Variants in STARD5 observed in about 807,000 individuals in gnomAD.
The protein encoded by STARD5 is StAR related lipid transfer domain containing 5, also known as stAR-related lipid transfer protein 5.
Under a neutral mutation model 24.6 loss-of-function variants are expected in STARD5, and 26 were observed. That is an observed-to-expected ratio of 1.06 (90% CI 0.77 to 1.47). The LOEUF (loss-of-function observed/expected upper bound fraction) is 1.47. STARD5 is among the 40% of genes most tolerant of loss of function. The pLI, the probability that STARD5 is intolerant of heterozygous loss-of-function variation, is 0.00. For synonymous variants in STARD5, 101 were observed against 99.7 expected (o/e 1.01, Z -0.07); for missense variants, 254 against 270.8 (o/e 0.94, Z 0.44).
In STARD5 at chr15:81,318,871, A is replaced by G. The variant is rs1901136939; in HGVS notation, c.401-369T>C. ...ATGGGAGGAGGCAGGTGCCTCTCTC[A>G]AATCTCAGCCAGGAGAGGCATGGAT... On this transcript the variant is annotated intron_variant, in intron 4 of 5. Transcript: ENST00000302824. Among the ~76,000 whole-genome samples the G allele has an allele frequency of 2.0e-5, 3 of 152,242 alleles. No homozygotes were observed. In the South Asian group the frequency reaches 6.2e-4, roughly 32 times the overall value.
At chr15:81,320,412 G>A (rs546913879) in intron 3 of STARD5, among the ~76,000 whole-genome samples, 34 of 152,312 alleles carry the variant, frequency 2.2e-4, no homozygotes, top group African/African-American at 7.9e-4. Context: ...AAACTACTCC[G>A]TGTTTCCTTC....
In STARD5 at chr15:81,322,621, G is replaced by T. The variant is rs1893312471; in HGVS notation, c.150-81C>A. 3.1e-6 allele frequency: 5 copies of T among 1,595,970 alleles called. No homozygotes were observed. The East Asian group carries it at 1.1e-4, about 36-fold the overall frequency. On this transcript the variant is annotated intron_variant, in intron 2 of 5. Transcript: ENST00000302824. ...GATTGTATCTAAGGACTAGAAGGTG[G>T]ACCATGCCATGTCTGTCACTACTCT...
At chr15:81,318,749 C>G (rs1901134844) in intron 4 of STARD5, among the ~76,000 whole-genome samples, 1 of 152,178 alleles carries the variant, frequency 6.6e-6, no homozygotes, top group Non-Finnish European at 1.5e-5. Flanking sequence ...CTCACACACA[C>G]TCACTCATCC....
In STARD5 at chr15:81,324,058, G is replaced by T; in HGVS notation, c.42C>A (p.Ala14=). ...CCCGCCGGTACTGGAGCATCTTCTCGGCCACAGCCTCGCTCATCTGGGCTG... is the reference window on the plus strand; with the variant it reads ...CCCGCCGGTACTGGAGCATCTTCTCTGCCACAGCCTCGCTCATCTGGGCTG... ...ALAAQMSEAV[A]EKMLQYRRDT... is the part of the protein sequence containing the mutation. The change falls in exon 1 of 6, where the codon GCC becomes GCA. Residue 14 remains alanine, a synonymous_variant. Transcript: ENST00000302824. 3.2e-6 allele frequency: 5 copies of T among 1,586,120 alleles called. No homozygotes were observed. The highest frequency in any genetic ancestry group is 4.3e-6 in the Non-Finnish European group (5 of 1,163,652).
At chr15:81,313,598 G>A (rs1316344590) in intron 5 of STARD5, 195 bp from the exon 6 acceptor site, 4 of 418,504 alleles carry the variant, frequency 9.6e-6, no homozygotes, top group East Asian at 3.8e-5. Context: ...ATCCTGTCGG[G>A]GATGCATTCC....
chr15:81,323,497 G>T, intron 1 of STARD5: 1 of 502,472 alleles, frequency 2.0e-6, no homozygotes, highest in Non-Finnish European at 3.7e-6. Flanking sequence ...GAAGGGTCAA[G>T]CAAAACTACT....
At chr15:81,321,929 T>C (rs547354988) in intron 3 of STARD5, among the ~76,000 whole-genome samples, 2 of 152,378 alleles carry the variant, frequency 1.3e-5, no homozygotes, top group East Asian at 1.9e-4. Context: ...TTGCAACTTA[T>C]GAAAATTTAG....
chr15:81,319,500 A>T (rs1567056251), intron 3 of STARD5, 44 bp from the exon 4 acceptor site: 2 of 1,550,390 alleles, frequency 1.3e-6, no homozygotes, highest in East Asian at 2.2e-5. Flanking sequence ...CTGGCCAGAC[A>T]TCTTCTCCCA....
In STARD5 at chr15:81,323,785, A is replaced by C. The variant is rs754486448; in HGVS notation, c.99+216T>G. ...TGACCTTGGGCAAGTCACTGAGTGA[A>C]AGGAACAGATACTTACCACCTGAAG... On this transcript the variant is annotated intron_variant, in intron 1 of 5. Transcript: ENST00000302824. 1.2e-4 allele frequency: 83 copies of C among 708,574 alleles called. 1 individual carries two copies. The South Asian group carries it at 1.3e-3, about 11-fold the overall frequency. The allele number at this position is 708,574 out of a possible 1,614,324, so 43.9% of individuals were successfully genotyped here. A position where few individuals can be genotyped will look rare whatever the true frequency, so the allele number is the denominator to read the frequency against.
rs112170039 is a variant in STARD5 at position 81,322,997 on chromosome 15, G to C, written c.100-49C>G. 8.8e-6 allele frequency: 14 copies of C among 1,599,968 alleles called. 1 individual carries two copies. The African/African-American group carries it at 9.4e-5, about 11-fold the overall frequency. ...GAATTTTAGAGCTAGAAGGGCTCTG[G>C]TCACCTGGCTTAATCCCCTGTTCTA... On this transcript the variant is annotated intron_variant, in intron 1 of 5. Transcript: ENST00000302824.
chr15:81,323,699 T>G, intron 1 of STARD5: 1 of 887,824 alleles, frequency 1.1e-6, no homozygotes, highest in Non-Finnish European at 1.8e-6. Context: ...TTAAATGCAA[T>G]TTATTTACTT....
At chr15:81,320,435 C>A (rs1455505716) in intron 3 of STARD5, among the ~76,000 whole-genome samples, 2 of 152,196 alleles carry the variant, frequency 1.3e-5, no homozygotes, top group Non-Finnish European at 2.9e-5. Flanking sequence ...CCCCTAATGA[C>A]CTGCCTGGGA....
chr15:81,323,848 G>A lies in STARD5; in HGVS notation c.99+153C>T, dbSNP rs576773568. 3.6e-5 allele frequency: 29 copies of A among 803,474 alleles called. No homozygotes were observed. The East Asian group carries it at 7.2e-4, about 20-fold the overall frequency. The allele number at this position is 803,474 out of a possible 1,614,324, so 49.8% of individuals were successfully genotyped here. A position where few individuals can be genotyped will look rare whatever the true frequency, so the allele number is the denominator to read the frequency against. On this transcript the variant is annotated intron_variant, in intron 1 of 5. Coordinates refer to ENST00000302824, the MANE Select transcript of STARD5 (RefSeq NM_181900.3). Reference sequence around the variant, plus strand: ...TAACAGGCCCAATCTTTTTTTTAAAGAAGAAAACAATCCCCATTGGAATCC... The same window carrying A: ...TAACAGGCCCAATCTTTTTTTTAAAAAAGAAAACAATCCCCATTGGAATCC...
At chr15:81,319,543 G>C in intron 3 of STARD5, 87 bp from the exon 4 acceptor site, 2 of 1,169,676 alleles carry the variant, frequency 1.7e-6, no homozygotes, top group Non-Finnish European at 2.6e-6. Context: ...TCTGGGAAAG[G>C]TACTAGGGCT....
Position 81,313,416 on chromosome 15 carries a change from C to T in STARD5, c.495-13G>A. The T allele has an allele frequency of 6.5e-7, 1 of 1,529,040 alleles. No homozygotes were observed. Among genetic ancestry groups the T allele is most frequent in the Non-Finnish European group, 8.8e-7 (1 of 1,135,344 alleles). 94.7% of individuals were successfully genotyped at this position (1,529,040 alleles called of 1,614,324 possible). On this transcript the variant is annotated splice_polypyrimidine_tract_variant and intron_variant, in intron 5 of 5. Coordinates refer to ENST00000302824, the MANE Select transcript of STARD5 (RefSeq NM_181900.3). ...CTTGGTGGGTTCCCTGTGAAGGCAACAGCAGAGCTGTGTTATGATCTGCAG... is the reference window on the plus strand; with the variant it reads ...CTTGGTGGGTTCCCTGTGAAGGCAATAGCAGAGCTGTGTTATGATCTGCAG...
intron 5 of STARD5, among the ~76,000 whole-genome samples, chr15:81,315,906 T>C (rs1314217069): frequency 6.6e-6 from 1 of 152,176 alleles, no homozygotes; most frequent in Non-Finnish European, 1.5e-5. Context: ...ATCATAGCAG[T>C]TAAGACCAAA....
intron 5 of STARD5, chr15:81,313,966 A>G (rs1901005833): frequency 6.6e-6 from 1 of 152,200 alleles, no homozygotes; most frequent in Non-Finnish European, 1.5e-5. Flanking sequence ...CATGAAAGAG[A>G]TGGGCAAAAA....
chr15:81,318,490 T>C lies in STARD5; in HGVS notation c.413A>G (p.Glu138Gly), dbSNP rs762910391. 5.2e-5 allele frequency: 84 copies of C among 1,613,826 alleles called. No individual in the cohort carries two copies. In the East Asian group the frequency reaches 1.8e-3, roughly 34 times the overall value. ...TGGCTTCGGGGGACATAACGGATGC[T>C]CCACATGGGTGGCTGGAAGACAGTG... ...GTISSNATHV[E>G]HPLCPPKPGF... is the part of the protein sequence containing the mutation. The change falls in exon 5 of 6, where the codon GAG becomes GGG. Residue 138 changes from glutamate to glycine, a missense_variant. Transcript: ENST00000302824.
intron 3 of STARD5, among the ~76,000 whole-genome samples, chr15:81,322,065 G>T (rs1893300004): frequency 6.6e-6 from 1 of 152,256 alleles, no homozygotes; most frequent in Non-Finnish European, 1.5e-5. Flanking sequence ...GGTAACTGGG[G>T]TCATGCAGGT....
Sources: gnomAD v4.1 joint callset for allele counts (sites outside exome capture counted in the v4.1 genomes callset) on GRCh38, gnomAD v4.1.1 for gene constraint, MANE v1.5 for transcripts, NCBI Gene and HGNC (gene_info 2026-07-23, HGNC 2026-07-21) for gene names.